AQP3: variants seen among roughly 807,000 people sequenced by gnomAD.
AQP3 encodes the protein aquaporin-3.
In AQP3, 15 loss-of-function variants were observed where a neutral mutation model predicts 30.3. The ratio of observed to expected loss-of-function variants is 0.49; its 90% CI spans 0.33 to 0.76. The LOEUF (loss-of-function observed/expected upper bound fraction) is 0.76. Ranked by LOEUF, AQP3 falls within the 30% of genes least tolerant of loss-of-function variation. AQP3 has a pLI of 0.02. For missense variants in AQP3, 272 were observed against 384.8 expected (o/e 0.71, Z 2.45); for synonymous variants, 153 against 163.2 (o/e 0.94, Z 0.47).
At position 33,447,407 on chromosome 9, in the gene AQP3, G is replaced by A. The variant is rs754156869; in HGVS notation, c.108+16C>T. ...GGGCTGGAGAGAGAAGGGCTTCCCC[G>A]GCTCCCTCCACTCACCACCAGGATG... is the stretch of plus-strand genomic sequence containing the variant. On this transcript the variant is annotated intron_variant, in intron 1 of 5. Transcript: ENST00000297991. 7 of 1,573,062 alleles carry A rather than the reference G, an allele frequency of 4.4e-6. No homozygotes were observed. Among genetic ancestry groups the A allele is most frequent in the South Asian group, 3.5e-5 (3 of 86,942 alleles).
At chr9:33,445,435 A>C (rs1826900330) in intron 1 of AQP3, among the ~76,000 whole-genome samples, 1 of 152,236 alleles carries the variant, frequency 6.6e-6, no homozygotes, top group Non-Finnish European at 1.5e-5. Flanking sequence ...CGGAGAAGCC[A>C]GCGGCAATGA....
chr9:33,445,708 C>T (rs927685715), intron 1 of AQP3, among the ~76,000 whole-genome samples: 2 of 152,100 alleles, frequency 1.3e-5, no homozygotes, highest in African/African-American at 2.4e-5. Flanking sequence ...CCTGAGTTCT[C>T]GGCCAGCACC....
chr9:33,447,057 G>A (rs374425325), intron 1 of AQP3, among the ~76,000 whole-genome samples: 10 of 152,204 alleles, frequency 6.6e-5, no homozygotes, highest in African/African-American at 1.2e-4. Context: ...ACATCTGGGG[G>A]CTGGGATTCT....
chr9:33,443,630 T>C lies in AQP3; in HGVS notation c.235+136A>G, dbSNP rs1372190966. 4.2e-5 allele frequency: 63 copies of C among 1,496,034 alleles called. No homozygotes were observed. The East Asian group carries it at 1.4e-3, about 33-fold the overall frequency. 92.7% of individuals were successfully genotyped at this position (1,496,034 alleles called of 1,614,324 possible). On this transcript the variant is annotated intron_variant, in intron 2 of 5. Coordinates refer to ENST00000297991, the MANE Select transcript of AQP3 (RefSeq NM_004925.5). The surrounding 1 kb of genome is among the most constrained non-coding windows in gnomAD (Gnocchi z 5.0). ...AGGTGAGAGTCGAAAGTTCTAAGTG[T>C]CAAGTTTCTTCTCCACCCTCCTTTC...
chr9:33,447,287 C>A lies in AQP3; in HGVS notation c.108+136G>T, dbSNP rs2118979610. The stretch of plus-strand genomic sequence containing the variant: ...GACTTTGGAAGTCAGCTTGATCCTC[C>A]GCGGTTAAGCGTGGGGGTCACAGCT... On this transcript the variant is annotated intron_variant, in intron 1 of 5. Coordinates refer to ENST00000297991, the MANE Select transcript of AQP3 (RefSeq NM_004925.5). The A allele has an allele frequency of 6.4e-6, 5 of 778,714 alleles. No individual in the cohort carries two copies. The South Asian group carries it at 7.4e-5, about 12-fold the overall frequency. The allele number at this position is 778,714 out of a possible 1,614,324, so 48.2% of individuals were successfully genotyped here.
chr9:33,441,699 T>G lies in AQP3; in HGVS notation c.*344A>C. 2.5e-6 allele frequency: 1 copy of G among 395,838 alleles called. No homozygotes were observed. The highest frequency in any genetic ancestry group is 4.2e-6 in the Non-Finnish European group (1 of 237,126). The allele number at this position is 395,838 out of a possible 1,614,324, so 24.5% of individuals were successfully genotyped here. On this transcript the variant is annotated 3_prime_UTR_variant, in exon 6 of 6. Coordinates refer to ENST00000297991, the MANE Select transcript of AQP3 (RefSeq NM_004925.5). ...CGACTGGTCCCTTGCCCTGAATATC[T>G]GGGAACCCCCCCCACACACACACAC...
At position 33,442,526 on chromosome 9, in the gene AQP3, G is replaced by T. The variant is rs1403817179; in HGVS notation, c.493-8C>A. 1.3e-6 allele frequency: 2 copies of T among 1,599,500 alleles called. No individual in the cohort carries two copies. Among genetic ancestry groups the T allele is most frequent in the Non-Finnish European group, 1.7e-6 (2 of 1,174,028 alleles). Reference sequence around the variant, plus strand: ...GGAGGCTGTGCCTATGAACTGGGGAGTGGGGAGAACAGGGTGAGCTGCAGC... The same window carrying T: ...GGAGGCTGTGCCTATGAACTGGGGATTGGGGAGAACAGGGTGAGCTGCAGC... On this transcript the variant is annotated splice_region_variant and splice_polypyrimidine_tract_variant and intron_variant, in intron 4 of 5. Coordinates refer to ENST00000297991, the MANE Select transcript of AQP3 (RefSeq NM_004925.5).
In AQP3 at chr9:33,441,765, A is replaced by G. The variant is rs1285343532; in HGVS notation, c.*278T>C. On this transcript the variant is annotated 3_prime_UTR_variant, in exon 6 of 6. Transcript: ENST00000297991. ...CACACACATGCACACACATGCACAC[A>G]CACACATACCTGCTGCCCATTCTCT... 1 of 582,874 alleles carries G rather than the reference A, an allele frequency of 1.7e-6. No homozygotes were observed. Among genetic ancestry groups the G allele is most frequent in the Non-Finnish European group, 3.0e-6 (1 of 330,238 alleles). 36.1% of individuals were successfully genotyped at this position (582,874 alleles called of 1,614,324 possible). A position where few individuals can be genotyped will look rare whatever the true frequency, so the allele number is the denominator to read the frequency against.
intron 1 of AQP3, among the ~76,000 whole-genome samples, chr9:33,444,236 T>C (rs529279980): frequency 4.1e-4 from 63 of 152,126 alleles, no homozygotes; most frequent in Non-Finnish European, 6.5e-4. Context: ...AGCACAAGTT[T>C]CTCCACAGCC....
chr9:33,447,061 G>C (rs1017353744), intron 1 of AQP3, among the ~76,000 whole-genome samples: 6 of 152,184 alleles, frequency 3.9e-5, no homozygotes, highest in Admixed American at 3.3e-4. Context: ...CTGGGGGCTG[G>C]GATTCTGGGA....
intron 1 of AQP3, among the ~76,000 whole-genome samples, chr9:33,445,709 G>C (rs914842686): frequency 6.6e-6 from 1 of 151,976 alleles, no homozygotes; most frequent in South Asian, 2.1e-4. Context: ...CTGAGTTCTC[G>C]GCCAGCACCG....
At position 33,443,890 on chromosome 9, in the gene AQP3, C is replaced by T. The variant is rs1432636423; in HGVS notation, c.111G>A (p.Met37Ile). The T allele has an allele frequency of 6.2e-6, 10 of 1,613,556 alleles. No homozygotes were observed. Among genetic ancestry groups the T allele is most frequent in the Non-Finnish European group, 8.5e-6 (10 of 1,179,698 alleles). The change falls in exon 2 of 6, where the codon ATG becomes ATA. Residue 37 changes from methionine to isoleucine, a missense_variant and splice_region_variant. By Grantham distance (10) the Met-to-Ile change is conservative. Around this residue, in one of 3 missense-constraint regions of AQP3, gnomAD observed 170 missense variants for 286.4 expected, o/e 0.59. Transcript: ENST00000297991. This position sits in a 1 kb window ranked among gnomAD's most constrained non-coding sequence, Gnocchi z 5.0. ...AECLGTLILV[M>I]FGCGSVAQVV... ...CCTGGGCCACGGAGCCACAGCCAAA[C>T]ATCTGTCAGGAAGAAGAACAGGCAG...
intron 1 of AQP3, 130 bp from the exon 2 acceptor site, chr9:33,444,022 CA>C (rs1490887850): frequency 1.7e-6 from 2 of 1,184,210 alleles, no homozygotes; most frequent in Non-Finnish European, 2.3e-6. Flanking sequence ...GAACCCAGCC[CA>C]AACCCCTTCT....
intron 1 of AQP3, among the ~76,000 whole-genome samples, chr9:33,445,534 G>C (rs924587364): frequency 2.6e-5 from 4 of 152,210 alleles, no homozygotes; most frequent in African/African-American, 9.6e-5. Context: ...ACAGGCACGT[G>C]AGGGTCTGAG....
At chr9:33,447,294 A>T in intron 1 of AQP3, 129 bp downstream of exon 1, 1 of 817,280 alleles carries the variant, frequency 1.2e-6, no homozygotes, top group Non-Finnish European at 2.1e-6. Flanking sequence ...CTCCGCGGTT[A>T]AGCGTGGGGG....
chr9:33,443,066 G>A lies in AQP3; in HGVS notation c.374-96C>T. On this transcript the variant is annotated intron_variant, in intron 3 of 5. Coordinates refer to ENST00000297991, the MANE Select transcript of AQP3 (RefSeq NM_004925.5). The surrounding 1 kb of genome is among the most constrained non-coding windows in gnomAD (Gnocchi z 5.0). The stretch of plus-strand genomic sequence containing the variant: ...CTCCCCACCCTCCCATGAGTTATGG[G>A]TAAGTAGCAATACTGCTGTATTGCA... 2.4e-6 allele frequency: 3 copies of A among 1,239,470 alleles called. No individual in the cohort carries two copies. The highest frequency in any genetic ancestry group is 3.5e-6 in the Non-Finnish European group (3 of 847,732). 76.8% of individuals were successfully genotyped at this position (1,239,470 alleles called of 1,614,324 possible).
In AQP3 at chr9:33,443,093, C is replaced by T; in HGVS notation, c.374-123G>A. Reference sequence around the variant, plus strand: ...AAGTAGCAATACTGCTGTATTGCAGCAGGCAGAGGGGGTGGCGTGGGGTGG... The same window carrying T: ...AAGTAGCAATACTGCTGTATTGCAGTAGGCAGAGGGGGTGGCGTGGGGTGG... On this transcript the variant is annotated intron_variant, in intron 3 of 5. Coordinates refer to ENST00000297991, the MANE Select transcript of AQP3 (RefSeq NM_004925.5). The surrounding 1 kb of genome is among the most constrained non-coding windows in gnomAD (Gnocchi z 5.0). 9.1e-7 allele frequency: 1 copy of T among 1,103,812 alleles called. No homozygotes were observed. The highest frequency in any genetic ancestry group is 1.3e-5 in the South Asian group (1 of 76,122). 68.4% of individuals were successfully genotyped at this position (1,103,812 alleles called of 1,614,324 possible).
chr9:33,442,264 G>A (rs1286377527), intron 5 of AQP3, 37 bp downstream of exon 5: 3 of 1,611,196 alleles, frequency 1.9e-6, no homozygotes, highest in Admixed American at 1.7e-5. Context: ...GCAGAGGAGA[G>A]GCAGGCTGGG....
Position 33,447,505 on chromosome 9 carries a change from G to A in AQP3, c.26C>T (p.Ser9Phe), listed in dbSNP as rs754206115. 4.4e-6 allele frequency: 7 copies of A among 1,608,982 alleles called. No individual in the cohort carries two copies. Among genetic ancestry groups the A allele is most frequent in the Middle Eastern group, 1.7e-4 (1 of 6,046 alleles). ...GATGTGGAGCATCTCCCCGCAGCGG[G>A]ACACCAGCTCCTTCTGTCGACCCAT... MGRQKELV[S>F]RCGEMLHIRY... The change falls in exon 1 of 6, where the codon TCC (serine) becomes TTC (phenylalanine). Residue 9 changes from serine (S) to phenylalanine (F), a missense_variant. By Grantham distance (155) the Ser-to-Phe change is radical. This residue lies in a region of AQP3 where 51 missense variants were observed against 46.5 expected (regional missense o/e 1.10). Coordinates refer to ENST00000297991, the MANE Select transcript of AQP3 (RefSeq NM_004925.5).
Sources: gnomAD v4.1 joint callset for allele counts (sites outside exome capture counted in the v4.1 genomes callset) on GRCh38, gnomAD v4.1.1 for gene constraint, gnomAD v4.1.1 regional missense constraint, Gnocchi (gnomAD v3.1) non-coding constraint, MANE v1.5 for transcripts, NCBI Gene and HGNC (gene_info 2026-07-23, HGNC 2026-07-21) for gene names.